The following KIAA0586 variants were observed in gnomAD, a reference collection of about 807,000 sequenced individuals.
KIAA0586 encodes protein TALPID3.
KIAA0586 carries 144 observed loss-of-function variants against 169.8 expected under a neutral mutation model. The ratio of observed to expected loss-of-function variants is 0.85; its 90% CI spans 0.74 to 0.97. The LOEUF is 0.97. Ranked by LOEUF, KIAA0586 falls within the 50% of genes least tolerant of loss-of-function variation. KIAA0586 has a pLI of 0.00. For synonymous variants in KIAA0586, 625 were observed against 612.4 expected, an observed-to-expected ratio of 1.02 and a Z score of -0.30; for missense variants, 1,854 against 1,823.0, an observed-to-expected ratio of 1.02 and a Z score of -0.31.
At chr14:58,456,672 C>T (rs780989678) in intron 9 of KIAA0586, 30 bp from the exon 10 acceptor site, 4 of 1,262,570 alleles carry the variant, frequency 3.2e-6, no homozygotes, top group Non-Finnish European at 4.5e-6. Flanking sequence ...CAAAAATCTT[C>T]TGTAGCGTTG....
chr14:58,559,791 A>G, the KIAA0586 span, among the ~76,000 whole-genome samples: 3 of 152,178 alleles, frequency 2.0e-5, no homozygotes, highest in African/African-American at 7.2e-5. Flanking sequence ...TAAACCTCTC[A>G]TCAATGAGAT....
At chr14:58,440,987 C>T (rs1227675494) in intron 4 of KIAA0586, 1 of 174,608 alleles carries the variant, frequency 5.7e-6, no homozygotes, top group African/African-American at 2.4e-5. Flanking sequence ...GACAGTAGAT[C>T]TTAAATGTTC....
chr14:58,483,505 T>C (rs2042174178), intron 21 of KIAA0586, among the ~76,000 whole-genome samples: 1 of 152,168 alleles, frequency 6.6e-6, no homozygotes, highest in South Asian at 2.1e-4. Context: ...GGCGTGTTAA[T>C]AATATAGAAT....
chr14:58,516,169 C>T (rs765325064), intron 29 of KIAA0586, among the ~76,000 whole-genome samples: 48 of 152,154 alleles, frequency 3.2e-4, no homozygotes, highest in Non-Finnish European at 6.2e-4. Context: ...GGAGTTCACA[C>T]CCACTTGTAG....
chr14:58,436,437 CA>C (rs745771248), intron 4 of KIAA0586, among the ~76,000 whole-genome samples: 5 of 151,566 alleles, frequency 3.3e-5, no homozygotes, highest in Non-Finnish European at 5.9e-5. Context: ...GGGAAATAAC[CA>C]AAGGCTAAGA....
In KIAA0586 at chr14:58,447,953, A is replaced by C. The variant is rs565044639; in HGVS notation, c.808-387A>C. On this transcript the variant is annotated intron_variant, in intron 6 of 30. Coordinates refer to ENST00000652326, the MANE Select transcript of KIAA0586 (RefSeq NM_001329943.3). ...AACAAAATCCTACCATTTAGGATAT[A>C]AAAGATGGGATGTTTTGGTTTAAAA... Among the ~76,000 whole-genome samples, 4 of 152,312 alleles carry C rather than the reference A, an allele frequency of 2.6e-5. No homozygotes were observed. In the South Asian group the frequency reaches 8.3e-4, roughly 32 times the overall value.
Position 58,488,043 on chromosome 14 carries a change from A to G in KIAA0586, c.3461A>G (p.Asp1154Gly). The G allele has an allele frequency of 1.2e-6, 2 of 1,610,436 alleles. No individual in the cohort carries two copies. Among genetic ancestry groups the G allele is most frequent in the Non-Finnish European group, 1.7e-6 (2 of 1,178,436 alleles). Reference sequence around the variant, plus strand: ...CCAGAGCTTCCCAAGCCATGGGGTGATGGAGACCTGCCACTGGAAGAAGAG... The same window carrying G: ...CCAGAGCTTCCCAAGCCATGGGGTGGTGGAGACCTGCCACTGGAAGAAGAG... ...SSPELPKPWG[D>G]GDLPLEEENP... Residue 1154 changes from aspartate to glycine, a missense_variant, in exon 23 of 31, where the codon GAT becomes GGT. By Grantham distance (94) the Asp-to-Gly change is moderately conservative. Transcript: ENST00000652326.
chr14:58,452,704 A>AT (rs780835559), intron 8 of KIAA0586, among the ~76,000 whole-genome samples: 1 of 151,950 alleles, frequency 6.6e-6, no homozygotes, highest in Admixed American at 6.6e-5. Context: ...TTGTTTATGT[A>AT]TTTTTTTGTA....
chr14:58,525,533 T>C (rs1189182707), intron 29 of KIAA0586, among the ~76,000 whole-genome samples: 1 of 152,154 alleles, frequency 6.6e-6, no homozygotes, highest in East Asian at 1.9e-4. Flanking sequence ...CCGGCCCAGA[T>C]ACTATGCTTT....
At chr14:58,494,674 ATT>A (rs2043048545) in intron 26 of KIAA0586, among the ~76,000 whole-genome samples, 1 of 152,012 alleles carries the variant, frequency 6.6e-6, no homozygotes, top group African/African-American at 2.4e-5. Flanking sequence ...CCTGGTGATT[ATT>A]GTGTCTTTAA....
Position 58,429,239 on chromosome 14 carries a change from T to G in KIAA0586, c.200-124T>G, listed in dbSNP as rs550925474. On this transcript the variant is annotated intron_variant, in intron 1 of 30. Coordinates refer to ENST00000652326, the MANE Select transcript of KIAA0586 (RefSeq NM_001329943.3). ...ATACATTTTCTTAACTTTTTTTGCA[T>G]GCAAATTGTCTTTCCAACTTCTGCG... 11 of 607,798 alleles carry G rather than the reference T, an allele frequency of 1.8e-5. No individual in the cohort carries two copies. In the South Asian group the frequency reaches 2.6e-4, roughly 15 times the overall value. 37.7% of individuals were successfully genotyped at this position (607,798 alleles called of 1,614,324 possible).
Position 58,456,827 on chromosome 14 carries a change from C to T in KIAA0586, c.1362+17C>T, listed in dbSNP as rs1162345321. The stretch of plus-strand genomic sequence containing the variant: ...ATGGTCCAGGTAAAGTGGGAATGGT[C>T]TTAAAATTGATGATTAGTTAAGATA... On this transcript the variant is annotated intron_variant, in intron 10 of 30. Coordinates refer to ENST00000652326, the MANE Select transcript of KIAA0586 (RefSeq NM_001329943.3). The T allele has an allele frequency of 7.0e-6, 9 of 1,280,352 alleles. 1 individual carries two copies. The highest frequency in any genetic ancestry group is 1.0e-5 in the Non-Finnish European group (9 of 897,086). The allele number at this position is 1,280,352 out of a possible 1,614,324, so 79.3% of individuals were successfully genotyped here.
intron 16 of KIAA0586, 135 bp downstream of exon 16, chr14:58,468,057 A>G: frequency 3.3e-6 from 2 of 600,726 alleles, no homozygotes; most frequent in Non-Finnish European, 5.5e-6. Flanking sequence ...ATTTATTTTT[A>G]TTTTTTAGAC....
chr14:58,460,958 G>A, intron 13 of KIAA0586, 28 bp from the exon 14 acceptor site: 1 of 1,481,014 alleles, frequency 6.8e-7, no homozygotes, highest in Non-Finnish European at 9.0e-7. Context: ...CTGTTTTCAT[G>A]GTGAGTTGAA....
downstream of KIAA0586, among the ~76,000 whole-genome samples, chr14:58,551,630 C>T (rs1489293563): frequency 1.3e-5 from 2 of 151,976 alleles, no homozygotes; most frequent in Admixed American, 6.6e-5. Context: ...GATGTGGTGG[C>T]GTGTGCCTGT....
At chr14:58,531,152 CT>C (rs2045937148) in intron 29 of KIAA0586, among the ~76,000 whole-genome samples, 2 of 145,976 alleles carry the variant, frequency 1.4e-5, no homozygotes. Flanking sequence ...CCCGTCTCTA[CT>C]AAAATGTACA....
chr14:58,532,342 A>G (rs963969291), intron 29 of KIAA0586, among the ~76,000 whole-genome samples: 4 of 152,196 alleles, frequency 2.6e-5, no homozygotes, highest in East Asian at 1.9e-4. Flanking sequence ...TACCTTGCAT[A>G]GGATGAAAGA....
At chr14:58,455,606 T>G (rs2140803481) in intron 9 of KIAA0586, among the ~76,000 whole-genome samples, 1 of 152,256 alleles carries the variant, frequency 6.6e-6, no homozygotes, top group East Asian at 1.9e-4. Context: ...AGTCTGCCAG[T>G]GATTGGAAAG....
intron 29 of KIAA0586, chr14:58,522,012 A>G: frequency 1.6e-6 from 2 of 1,245,738 alleles, no homozygotes. Flanking sequence ...GGGTTTAGAA[A>G]TCTTATCCCA....
Sources: gnomAD v4.1 joint callset for allele counts (sites outside exome capture counted in the v4.1 genomes callset) on GRCh38, gnomAD v4.1.1 for gene constraint, MANE v1.5 for transcripts, NCBI Gene and HGNC (gene_info 2026-07-23, HGNC 2026-07-21) for gene names.